Variants in RAPGEF2 observed in about 807,000 individuals in gnomAD.
RAPGEF2 encodes the protein PDZ domain containing guanine nucleotide exchange factor (GEF) 1.
Under a neutral mutation model 186.7 loss-of-function variants are expected in RAPGEF2, and 54 were observed. The observed-to-expected ratio is 0.29, with a 90% confidence interval of 0.23 to 0.36. The LOEUF (loss-of-function observed/expected upper bound fraction) is 0.36, where lower values mean the gene tolerates loss of function less well. Ranked by LOEUF, RAPGEF2 falls within the 10% of genes least tolerant of loss-of-function variation. RAPGEF2 has a pLI of 1.00. For missense variants in RAPGEF2, 1,532 were observed against 2,045.0 expected, an observed-to-expected ratio of 0.75 and a Z score of 4.84; for synonymous variants, 712 against 705.9, an observed-to-expected ratio of 1.01 and a Z score of -0.14.
intron 7 of RAPGEF2, among the ~76,000 whole-genome samples, chr4:159,252,077 G>C (rs570565808): frequency 8.7e-4 from 131 of 151,138 alleles, no homozygotes; most frequent in African/African-American, 3.1e-3. Flanking sequence ...AACATTCACC[G>C]TGAGGGTCTG....
At chr4:159,228,283 G>C (rs761114950) in intron 4 of RAPGEF2, 4 of 152,262 alleles carry the variant, frequency 2.6e-5, no homozygotes, top group African/African-American at 7.2e-5. Flanking sequence ...CAGTGCTGCA[G>C]AGAAAAGAGC....
intron 12 of RAPGEF2, 90 bp downstream of exon 12, chr4:159,330,100 C>A: frequency 1.5e-6 from 2 of 1,347,340 alleles, no homozygotes; most frequent in African/African-American, 1.5e-5. Context: ...CATTTTTAGG[C>A]CTATCTCTTA....
intron 2 of RAPGEF2, among the ~76,000 whole-genome samples, chr4:159,191,905 C>T (rs529177668): frequency 4.6e-5 from 7 of 151,992 alleles, no homozygotes; most frequent in South Asian, 2.1e-4. Flanking sequence ...TATTAGAGGA[C>T]GTGATTCAGT....
At chr4:159,297,031 C>G (rs969776677) in intron 7 of RAPGEF2, among the ~76,000 whole-genome samples, 3 of 152,250 alleles carry the variant, frequency 2.0e-5, no homozygotes, top group Admixed American at 6.5e-5. Flanking sequence ...TTCATACACG[C>G]AAGAATTAAT....
intron 4 of RAPGEF2, among the ~76,000 whole-genome samples, chr4:159,215,451 T>C (rs902712374): frequency 1.3e-5 from 2 of 152,210 alleles, no homozygotes; most frequent in African/African-American, 4.8e-5. Context: ...GTTCTGGGAT[T>C]ACAGGCATGA....
intron 1 of RAPGEF2, among the ~76,000 whole-genome samples, chr4:159,108,383 CTTTTTT>C (rs35882271): frequency 8.3e-5 from 9 of 107,908 alleles, no homozygotes; most frequent in African/African-American, 1.3e-4. Flanking sequence ...ACAGAACTTT[CTTTTTT>C]TTTTTTTTTT....
intron 9 of RAPGEF2, among the ~76,000 whole-genome samples, chr4:159,319,536 T>C (rs190985087): frequency 3.9e-5 from 6 of 152,202 alleles, no homozygotes; most frequent in African/African-American, 1.2e-4. Context: ...TCTTTATTTT[T>C]AAAAATTGCT....
intron 3 of RAPGEF2, among the ~76,000 whole-genome samples, chr4:159,206,660 C>T (rs1639728914): frequency 6.6e-6 from 1 of 152,200 alleles, no homozygotes; most frequent in African/African-American, 2.4e-5. Flanking sequence ...CGTTGTACCC[C>T]ACACGGAAAC....
chr4:159,135,279 C>G (rs1741599362), intron 1 of RAPGEF2, among the ~76,000 whole-genome samples: 1 of 152,140 alleles, frequency 6.6e-6, no homozygotes, highest in African/African-American at 2.4e-5. Flanking sequence ...CTTCTGGGCT[C>G]AAGCAGTCCG....
intron 7 of RAPGEF2, among the ~76,000 whole-genome samples, chr4:159,257,399 G>A (rs368848535): frequency 1.3e-5 from 2 of 152,066 alleles, no homozygotes; most frequent in African/African-American, 4.8e-5. Context: ...AGAAATTCCC[G>A]TCTTTAAAAC....
At chr4:159,205,272 C>T (rs768588867) in intron 3 of RAPGEF2, among the ~76,000 whole-genome samples, 49 of 152,034 alleles carry the variant, frequency 3.2e-4, no homozygotes, top group Non-Finnish European at 6.9e-4. Context: ...GGGATAGATG[C>T]ATTTTAAATT....
chr4:159,166,346 T>TA (rs1745316434), intron 1 of RAPGEF2, among the ~76,000 whole-genome samples: 1 of 152,070 alleles, frequency 6.6e-6, no homozygotes, highest in Non-Finnish European at 1.5e-5. Flanking sequence ...GGCAGAGGCA[T>TA]AAATCAAAAC....
chr4:159,245,071 G>A (rs1309588652), intron 7 of RAPGEF2, among the ~76,000 whole-genome samples: 1 of 151,980 alleles, frequency 6.6e-6, no homozygotes, highest in East Asian at 1.9e-4. Context: ...TAAATTACCA[G>A]TCTAATTCCA....
At chr4:159,204,358 C>T (rs1749749887) in intron 3 of RAPGEF2, among the ~76,000 whole-genome samples, 1 of 152,092 alleles carries the variant, frequency 6.6e-6, no homozygotes, top group Non-Finnish European at 1.5e-5. Flanking sequence ...TCTTGAACAG[C>T]ATGGCAGAGT....
intron 7 of RAPGEF2, among the ~76,000 whole-genome samples, chr4:159,246,090 G>T (rs1418103074): frequency 6.6e-6 from 1 of 152,034 alleles, no homozygotes; most frequent in African/African-American, 2.4e-5. Context: ...ATTTTAAAAT[G>T]ATGAAAACTT....
At chr4:159,114,423 A>G (rs556939378) in intron 1 of RAPGEF2, among the ~76,000 whole-genome samples, 40 of 151,422 alleles carry the variant, frequency 2.6e-4, no homozygotes, top group Admixed American at 3.9e-4. Context: ...ATTTTTTTAG[A>G]TCTGTGTCTT....
intron 1 of RAPGEF2, among the ~76,000 whole-genome samples, chr4:159,133,036 T>A (rs1168977249): frequency 1.3e-5 from 2 of 152,152 alleles, no homozygotes; most frequent in African/African-American, 4.8e-5. Context: ...ATTAAAAAAA[T>A]TCATACACAG....
chr4:159,274,389 G>T (rs1222874133), intron 7 of RAPGEF2, among the ~76,000 whole-genome samples: 2 of 151,994 alleles, frequency 1.3e-5, no homozygotes, highest in Non-Finnish European at 2.9e-5. Flanking sequence ...TATTTTATTT[G>T]AATATGGTTT....
chr4:159,344,849 C>G (rs1730061302), intron 23 of RAPGEF2, among the ~76,000 whole-genome samples: 1 of 152,152 alleles, frequency 6.6e-6, no homozygotes, highest in Admixed American at 6.5e-5. Flanking sequence ...CTTAAATGCT[C>G]TATAGAGTGA....
Sources: gnomAD v4.1 joint callset for allele counts (sites outside exome capture counted in the v4.1 genomes callset) on GRCh38, gnomAD v4.1.1 for gene constraint, MANE v1.5 for transcripts, NCBI Gene and HGNC (gene_info 2026-07-23, HGNC 2026-07-21) for gene names.